VPS41: variants seen among roughly 807,000 people sequenced by gnomAD.
VPS41 encodes the protein vacuolar protein sorting-associated protein 41 homolog.
VPS41 carries 85 observed loss-of-function variants against 130.9 expected under a neutral mutation model. The ratio of observed to expected loss-of-function variants is 0.65; its 90% CI spans 0.55 to 0.78. The LOEUF is 0.78. Among genes scored for constraint, VPS41 ranks in the 30% least tolerant of loss-of-function variants. VPS41 has a pLI of 0.00. For synonymous variants in VPS41, 335 were observed against 332.9 expected (o/e 1.01, Z -0.07); for missense variants, 874 against 1,018.7 (o/e 0.86, Z 1.93).
At chr7:38,884,848 C>T (rs766231624) in intron 2 of VPS41, among the ~76,000 whole-genome samples, 1 of 152,204 alleles carries the variant, frequency 6.6e-6, no homozygotes, top group African/African-American at 2.4e-5. Flanking sequence ...ACTTCACTTG[C>T]TATTTGGTGC....
intron 4 of VPS41, among the ~76,000 whole-genome samples, chr7:38,861,654 T>C (rs1386761628): frequency 6.6e-6 from 1 of 152,222 alleles, no homozygotes; most frequent in African/African-American, 2.4e-5. Flanking sequence ...TTCTAAACTA[T>C]ATCAATAGAT....
intron 6 of VPS41, among the ~76,000 whole-genome samples, 176 bp from the exon 7 acceptor site, chr7:38,818,058 G>A (rs183114671): frequency 3.9e-5 from 6 of 152,214 alleles, no homozygotes; most frequent in Admixed American, 1.3e-4. Flanking sequence ...TTCTTCTTAC[G>A]TGAAAAGATT....
chr7:38,803,486 A>G (rs139520791), intron 7 of VPS41, among the ~76,000 whole-genome samples: 1 of 152,344 alleles, frequency 6.6e-6, no homozygotes, highest in African/African-American at 2.4e-5. Flanking sequence ...GAAGAAAACA[A>G]ATATTTCACA....
Position 38,883,031 on chromosome 7 carries a change from TCA to T in VPS41, c.61-13780_61-13779del, listed in dbSNP as rs574395665. On this transcript the variant is annotated intron_variant, in intron 2 of 28. Transcript: ENST00000310301. ...GCCGAGGCAGATGGATTACTTGAGG[TCA>T]GGAGTTTGAGACCAGCCTGGCCAAC... Among the ~76,000 whole-genome samples the T allele has an allele frequency of 4.2e-3, 645 of 152,250 alleles. 6 individuals carry two copies. The highest frequency in any genetic ancestry group is 0.014 in the African/African-American group (573 of 41,550).
chr7:38,872,997 T>A (rs1402258193), intron 2 of VPS41, among the ~76,000 whole-genome samples: 3 of 152,196 alleles, frequency 2.0e-5, no homozygotes, highest in African/African-American at 4.8e-5. Flanking sequence ...AATTCTAGCC[T>A]CTTGACTATT....
Position 38,867,680 on chromosome 7 carries a change from C to T in VPS41, c.168+1466G>A, listed in dbSNP as rs370959129. The stretch of plus-strand genomic sequence containing the variant: ...CTTCTTACATAGAAATGACATCATC[C>T]TCTAAGAAAGAAGGGACAATGGTTC... On this transcript the variant is annotated intron_variant, in intron 3 of 28. Transcript: ENST00000310301. Among the ~76,000 whole-genome samples, 3 of 152,260 alleles carry T rather than the reference C, an allele frequency of 2.0e-5. 1 individual carries two copies. The highest frequency in any genetic ancestry group is 1.9e-4 in the East Asian group (1 of 5,188).
intron 19 of VPS41, among the ~76,000 whole-genome samples, chr7:38,756,253 T>C (rs1031155350): frequency 8.6e-6 from 1 of 115,872 alleles, no homozygotes; most frequent in Non-Finnish European, 1.8e-5. Flanking sequence ...CACACACAGC[T>C]TGCATCACTT....
At chr7:38,895,913 T>C (rs889403640) in intron 2 of VPS41, among the ~76,000 whole-genome samples, 23 of 152,190 alleles carry the variant, frequency 1.5e-4, no homozygotes, top group African/African-American at 5.3e-4. Context: ...TTATGTGCAT[T>C]CTGCCTCGGC....
chr7:38,782,177 G>C (rs978909642), intron 10 of VPS41, among the ~76,000 whole-genome samples: 1 of 152,316 alleles, frequency 6.6e-6, no homozygotes, highest in East Asian at 1.9e-4. Context: ...TCAGTGGAGA[G>C]AGGAGGCCTG....
At chr7:38,856,420 C>T (rs1326844375) in intron 4 of VPS41, among the ~76,000 whole-genome samples, 1 of 152,026 alleles carries the variant, frequency 6.6e-6, no homozygotes, top group Admixed American at 6.5e-5. Context: ...CAGTAGCTCT[C>T]AGTATAAAAT....
rs1192812803 is a variant in VPS41, at chr7:38,724,377, T to C, written c.*1869A>G. 6.6e-6 allele frequency: 1 copy of C among 152,144 alleles called. No individual in the cohort carries two copies. The highest frequency in any genetic ancestry group is 1.5e-5 in the Non-Finnish European group (1 of 68,026). 9.4% of individuals were successfully genotyped at this position (152,144 alleles called of 1,614,324 possible). A position where few individuals can be genotyped will look rare whatever the true frequency, so the allele number is the denominator to read the frequency against. ...AAAAACAATTGGGTAAGAACAAAAC[T>C]GAAAACTAGCAGTGTAGCAGAAAGC... On this transcript the variant is annotated 3_prime_UTR_variant, in exon 29 of 29. Transcript: ENST00000310301.
At chr7:38,854,908 A>G (rs1283707444) in intron 4 of VPS41, among the ~76,000 whole-genome samples, 1 of 151,486 alleles carries the variant, frequency 6.6e-6, no homozygotes, top group Non-Finnish European at 1.5e-5. Context: ...TAAGCCATGT[A>G]AAGGATAAAA....
At chr7:38,837,595 C>A (rs1412196762) in intron 4 of VPS41, among the ~76,000 whole-genome samples, 1 of 152,192 alleles carries the variant, frequency 6.6e-6, no homozygotes, top group Non-Finnish European at 1.5e-5. Flanking sequence ...GAGTCTCCTA[C>A]CCATCAAACA....
chr7:38,890,589 A>G (rs182162782), intron 2 of VPS41, among the ~76,000 whole-genome samples: 35 of 152,344 alleles, frequency 2.3e-4, no homozygotes, highest in African/African-American at 3.4e-4. Flanking sequence ...CCTTGTATCA[A>G]TATCAATTTC....
intron 4 of VPS41, among the ~76,000 whole-genome samples, chr7:38,846,463 G>C (rs2116245283): frequency 6.6e-6 from 1 of 152,350 alleles, no homozygotes. Flanking sequence ...AGACAAGAAA[G>C]TGCATTCCAA....
At chr7:38,868,037 A>T (rs1286454787) in intron 3 of VPS41, among the ~76,000 whole-genome samples, 1 of 152,212 alleles carries the variant, frequency 6.6e-6, no homozygotes, top group Admixed American at 6.5e-5. Context: ...GAAGTATAAC[A>T]AGGGTCAACA....
chr7:38,777,945 C>T (rs749138516), intron 10 of VPS41, among the ~76,000 whole-genome samples: 5 of 152,142 alleles, frequency 3.3e-5, no homozygotes, highest in African/African-American at 4.8e-5. Flanking sequence ...TTTCCTTTGT[C>T]CCCCTCTTTC....
intron 2 of VPS41, among the ~76,000 whole-genome samples, chr7:38,878,724 C>T (rs1322598975): frequency 6.6e-6 from 1 of 152,114 alleles, no homozygotes; most frequent in Non-Finnish European, 1.5e-5. Flanking sequence ...TAAAGTTCAA[C>T]ACTTGTTTCT....
rs535399187 is a variant in VPS41 at position 38,902,374 on chromosome 7, G to A, written c.22-4245C>T. 6.4e-4 allele frequency among the ~76,000 whole-genome samples: 97 copies of A among 152,126 alleles called. No homozygotes were observed. In the South Asian group the frequency reaches 0.016, roughly 26 times the overall value. ...CTCCAGCCACACTGGAGGACCCCTC[G>A]CCGAGATATTGCTTATATCTCTGTG... On this transcript the variant is annotated intron_variant, in intron 1 of 28. Coordinates refer to ENST00000310301, the MANE Select transcript of VPS41 (RefSeq NM_014396.4).
Sources: gnomAD v4.1 joint callset for allele counts (sites outside exome capture counted in the v4.1 genomes callset) on GRCh38, gnomAD v4.1.1 for gene constraint, MANE v1.5 for transcripts, NCBI Gene and HGNC (gene_info 2026-07-23, HGNC 2026-07-21) for gene names.